Variants in NDUFA10 observed in about 807,000 individuals in gnomAD.
NDUFA10 encodes NADH:ubiquinone oxidoreductase subunit A10.
Under a neutral mutation model 47.8 loss-of-function variants are expected in NDUFA10, and 40 were observed. The observed-to-expected ratio is 0.84, with a 90% confidence interval of 0.65 to 1.09. NDUFA10 has a LOEUF of 1.09. Ranked by LOEUF, NDUFA10 falls within the 50% of genes least tolerant of loss-of-function variation. NDUFA10 has a pLI of 0.00. For synonymous variants in NDUFA10, 183 were observed against 172.2 expected (o/e 1.06, Z -0.49); for missense variants, 413 against 451.1 (o/e 0.92, Z 0.76).
At chr2:240,014,212 C>G (rs538956460) in intron 5 of NDUFA10, 4 of 170,152 alleles carry the variant, frequency 2.4e-5, no homozygotes, top group Non-Finnish European at 3.8e-5. Context: ...GCTTCGAGGC[C>G]ACCTAATTAA....
chr2:239,900,699 T>C (rs1693528458), intron 4 of NDUFA10, among the ~76,000 whole-genome samples: 1 of 152,136 alleles, frequency 6.6e-6, no homozygotes, highest in South Asian at 2.1e-4. Flanking sequence ...ATTGCCGATA[T>C]GGAGAAGTGG....
At chr2:239,905,824 C>T (rs1447938352) in intron 4 of NDUFA10, among the ~76,000 whole-genome samples, 3 of 86,066 alleles carry the variant, frequency 3.5e-5, no homozygotes. Context: ...GGGAGGGGAG[C>T]AGACTGGGAG....
At chr2:239,998,639 T>C (rs1020165900) in intron 8 of NDUFA10, among the ~76,000 whole-genome samples, 1 of 152,192 alleles carries the variant, frequency 6.6e-6, no homozygotes, top group Non-Finnish European at 1.5e-5. Flanking sequence ...ACCTGCCTTC[T>C]TTCTGGGAGT....
intron 4 of NDUFA10, among the ~76,000 whole-genome samples, chr2:239,895,962 T>C (rs1559256313): frequency 6.6e-6 from 1 of 152,196 alleles, no homozygotes; most frequent in East Asian, 1.9e-4. Flanking sequence ...GCTTGGCTAA[T>C]ACACGAAAGT....
intron 4 of NDUFA10, among the ~76,000 whole-genome samples, chr2:239,935,676 A>G (rs1219257455): frequency 6.6e-6 from 1 of 152,162 alleles, no homozygotes; most frequent in African/African-American, 2.4e-5. Flanking sequence ...GAGATAATTA[A>G]ATCATGAGAG....
At chr2:239,983,435 T>C (rs1695866457) in intron 9 of NDUFA10, 3 of 1,497,194 alleles carry the variant, frequency 2.0e-6, no homozygotes, top group Non-Finnish European at 2.7e-6. Context: ...TTATTACTAT[T>C]TAATTTCAAC....
intron 4 of NDUFA10, among the ~76,000 whole-genome samples, chr2:239,913,477 C>T (rs1693789515): frequency 1.3e-5 from 2 of 152,212 alleles, no homozygotes; most frequent in South Asian, 4.1e-4. Context: ...GGGCTCAGCA[C>T]ACATGCTGGG....
chr2:239,910,949 C>G (rs1436428713), intron 4 of NDUFA10, among the ~76,000 whole-genome samples: 7 of 152,232 alleles, frequency 4.6e-5, no homozygotes, highest in Non-Finnish European at 1.0e-4. Flanking sequence ...AGTCCTATTT[C>G]CAAGTGCCCG....
At chr2:239,984,184 G>C (rs764867599) in intron 9 of NDUFA10, among the ~76,000 whole-genome samples, 1 of 151,312 alleles carries the variant, frequency 6.6e-6, no homozygotes, top group Non-Finnish European at 1.5e-5. Flanking sequence ...AGTGAGTCAA[G>C]ATCATGCCAT....
At chr2:240,014,422 G>C (rs76421408) in intron 5 of NDUFA10, 2 of 410,214 alleles carry the variant, frequency 4.9e-6, no homozygotes, top group East Asian at 5.4e-5. Flanking sequence ...AGAAAGGTAC[G>C]TGACAGAGGG....
chr2:239,894,552 C>T (rs1286250782), intron 5 of NDUFA10, among the ~76,000 whole-genome samples: 1 of 152,200 alleles, frequency 6.6e-6, no homozygotes, highest in African/African-American at 2.4e-5. Context: ...GCCTCCTCCA[C>T]AGCTCTCCAG....
intron 9 of NDUFA10, among the ~76,000 whole-genome samples, chr2:239,964,957 G>A (rs1695000242): frequency 6.6e-6 from 1 of 152,192 alleles, no homozygotes; most frequent in East Asian, 1.9e-4. Flanking sequence ...CTCTTAAGAC[G>A]CCCTGGGTCA....
At chr2:239,905,480 G>A (rs886366986) in intron 4 of NDUFA10, among the ~76,000 whole-genome samples, 21 of 152,228 alleles carry the variant, frequency 1.4e-4, no homozygotes, top group Admixed American at 1.2e-3. Context: ...GTGTGGTGGC[G>A]GGGTATGTGC....
intron 4 of NDUFA10, among the ~76,000 whole-genome samples, chr2:239,934,448 G>A (rs921364220): frequency 5.3e-5 from 8 of 151,514 alleles, no homozygotes; most frequent in African/African-American, 9.7e-5. Context: ...ACAATACGGG[G>A]TCCTTGACGT....
chr2:239,892,463 C>G (rs1693313818), exon 6 of NDUFA10: 1 of 152,194 alleles, frequency 6.6e-6, no homozygotes, highest in Admixed American at 6.5e-5. Flanking sequence ...AAAACATACC[C>G]AAGTCGCCTG....
At chr2:240,020,572 T>G (rs1031907544) in intron 3 of NDUFA10, among the ~76,000 whole-genome samples, 1 of 152,138 alleles carries the variant, frequency 6.6e-6, no homozygotes, top group Non-Finnish European at 1.5e-5. Context: ...CCACCTTCCC[T>G]TCCTCTCCTA....
Position 240,022,324 on chromosome 2 carries a change from C to T in NDUFA10, c.92G>A (p.Ser31Asn), listed in dbSNP as rs769942614. 9 of 1,614,142 alleles carry T rather than the reference C, an allele frequency of 5.6e-6. No homozygotes were observed. Among genetic ancestry groups the T allele is most frequent in the Non-Finnish European group, 7.6e-6 (9 of 1,180,026 alleles). Residue 31 changes from serine (S) to asparagine (N), a missense_variant, in exon 2 of 10, where the codon AGT becomes AAT. Ser to Asn is a conservative substitution (Grantham distance 46, BLOSUM62 1). Transcript: ENST00000252711. ...TCCATAGCGCAGTTTGCACTGCACA[C>T]TGCTATGAATTCCTCTCTGAAAAAC... ...GAQRVRGIHS[S>N]VQCKLRYGMW...
At chr2:239,974,085 C>T (rs1342341800) in intron 9 of NDUFA10, among the ~76,000 whole-genome samples, 1 of 152,116 alleles carries the variant, frequency 6.6e-6, no homozygotes. Context: ...CGCCACCACG[C>T]CTGGCTAATT....
At chr2:239,986,881 A>C (rs1478291305) in intron 9 of NDUFA10, among the ~76,000 whole-genome samples, 1 of 152,198 alleles carries the variant, frequency 6.6e-6, no homozygotes, top group African/African-American at 2.4e-5. Context: ...CTTAACAAGC[A>C]ATAAAGGTAA....
Sources: gnomAD v4.1 joint callset for allele counts (sites outside exome capture counted in the v4.1 genomes callset) on GRCh38, gnomAD v4.1.1 for gene constraint, MANE v1.5 for transcripts, NCBI Gene and HGNC (gene_info 2026-07-23, HGNC 2026-07-21) for gene names.